INSL6: variants seen among roughly 807,000 people sequenced by gnomAD.
The protein encoded by INSL6 is insulin like 6.
A neutral mutation model predicts 9.4 loss-of-function variants in INSL6; 16 were observed. That is an observed-to-expected ratio of 1.70 (90% CI 1.15 to 2.59). The LOEUF is 2.59. Among genes scored for constraint, INSL6 ranks in the 30% most tolerant of loss-of-function variants. The probability of loss-of-function intolerance (pLI) is 0.00; values close to 1 mark genes in which losing one functional copy is unlikely to be tolerated. For synonymous variants in INSL6, 154 were observed against 96.9 expected, an observed-to-expected ratio of 1.59 and a Z score of -3.46; for missense variants, 391 against 257.3, an observed-to-expected ratio of 1.52 and a Z score of -3.56.
the INSL6 span, among the ~76,000 whole-genome samples, chr9:5,026,438 C>T: frequency 2.0e-5 from 3 of 152,064 alleles, no homozygotes; most frequent in South Asian, 4.1e-4. Context: ...AGTAGACGGT[C>T]GTGTTAATAA....
intron 2 of INSL6, among the ~76,000 whole-genome samples, chr9:5,155,463 C>T (rs1428251772): frequency 6.8e-6 from 1 of 146,094 alleles, no homozygotes; most frequent in Non-Finnish European, 1.5e-5. Context: ...TACCCTAAAA[C>T]TTAAAGTATA....
intron 2 of INSL6, among the ~76,000 whole-genome samples, chr9:5,143,371 T>C (rs1243344536): frequency 6.6e-6 from 1 of 152,108 alleles, no homozygotes; most frequent in Non-Finnish European, 1.5e-5. Flanking sequence ...CAGAGCTTGT[T>C]AGTGGTCTAT....
At chr9:5,099,777 C>G in the INSL6 span, 2 of 152,138 alleles carry the variant, frequency 1.3e-5, no homozygotes, top group Non-Finnish European at 2.9e-5. Flanking sequence ...TAATAATATC[C>G]CTAATTATCT....
At chr9:4,997,273 G>A in the INSL6 span, among the ~76,000 whole-genome samples, 1 of 152,092 alleles carries the variant, frequency 6.6e-6, no homozygotes, top group Admixed American at 6.6e-5. Flanking sequence ...AATACCTGAG[G>A]CTGAGTAATT....
chr9:5,077,399 AT>A, the INSL6 span: 1 of 605,624 alleles, frequency 1.7e-6, no homozygotes, highest in Non-Finnish European at 2.4e-6. Flanking sequence ...AATTACATAT[AT>A]TTAATTATAT....
the INSL6 span, chr9:5,081,711 C>T: frequency 6.4e-7 from 1 of 1,563,766 alleles, no homozygotes; most frequent in Non-Finnish European, 8.8e-7. Flanking sequence ...TGATAATATT[C>T]TTTATTTCTC....
chr9:5,113,734 CT>C, the INSL6 span: 1 of 168,020 alleles, frequency 6.0e-6, no homozygotes, highest in Non-Finnish European at 1.4e-5. Flanking sequence ...CCCTCACGCC[CT>C]CTGGCCATTA....
chr9:5,081,394 A>C, the INSL6 span, among the ~76,000 whole-genome samples: 2 of 152,132 alleles, frequency 1.3e-5, no homozygotes, highest in Non-Finnish European at 2.9e-5. Context: ...TACTGAGCTG[A>C]AATGCATGTG....
chr9:5,184,696 T>A (rs930377390), intron 1 of INSL6, among the ~76,000 whole-genome samples: 1 of 152,212 alleles, frequency 6.6e-6, no homozygotes, highest in African/African-American at 2.4e-5. Context: ...TTTGAAACTT[T>A]AAGTGAATGA....
downstream of INSL6, among the ~76,000 whole-genome samples, chr9:5,120,702 T>C: frequency 6.6e-6 from 1 of 152,186 alleles, no homozygotes; most frequent in East Asian, 1.9e-4. Flanking sequence ...GAGATAAGGA[T>C]GTGATGTAAA....
the INSL6 span, among the ~76,000 whole-genome samples, chr9:4,997,936 T>C: frequency 6.6e-6 from 1 of 152,216 alleles, no homozygotes; most frequent in African/African-American, 2.4e-5. Flanking sequence ...TTAATCTGAA[T>C]GCATTATGAT....
chr9:5,137,062 G>C (rs965409552), intron 2 of INSL6, among the ~76,000 whole-genome samples: 3 of 151,286 alleles, frequency 2.0e-5, no homozygotes, highest in African/African-American at 7.3e-5. Context: ...ACTTACAAGG[G>C]ATGTGAAGGA....
the INSL6 span, among the ~76,000 whole-genome samples, chr9:5,028,850 G>T: frequency 6.6e-6 from 1 of 152,134 alleles, no homozygotes; most frequent in Admixed American, 6.5e-5. Flanking sequence ...TCTGGTTTAG[G>T]GTTTGGCTTG....
At chr9:5,168,714 T>G (rs1218817279) in intron 1 of INSL6, among the ~76,000 whole-genome samples, 3 of 152,064 alleles carry the variant, frequency 2.0e-5, no homozygotes, top group Non-Finnish European at 1.5e-5. Context: ...AAAATTCAAA[T>G]TCAGGAAATC....
the INSL6 span, among the ~76,000 whole-genome samples, chr9:5,117,302 T>G: frequency 6.6e-6 from 1 of 152,210 alleles, no homozygotes; most frequent in African/African-American, 2.4e-5. Flanking sequence ...TCAGACCTTC[T>G]TTAGTAGACA....
At chr9:5,105,384 A>G in the INSL6 span, among the ~76,000 whole-genome samples, 3 of 152,336 alleles carry the variant, frequency 2.0e-5, no homozygotes, top group Admixed American at 6.5e-5. Context: ...TTCAAGGAAA[A>G]CTACAAACCA....
chr9:5,036,067 A>C, the INSL6 span, among the ~76,000 whole-genome samples: 13 of 152,362 alleles, frequency 8.5e-5, no homozygotes, highest in African/African-American at 3.1e-4. Context: ...AAAAATCACA[A>C]GCGTTCTTAC....
At chr9:5,005,897 C>A in the INSL6 span, among the ~76,000 whole-genome samples, 1 of 152,128 alleles carries the variant, frequency 6.6e-6, no homozygotes, top group African/African-American at 2.4e-5. Flanking sequence ...GTTACTGTAG[C>A]CTTGTAGTAT....
chr9:5,012,250 A>G, the INSL6 span, among the ~76,000 whole-genome samples: 1 of 152,164 alleles, frequency 6.6e-6, no homozygotes, highest in Non-Finnish European at 1.5e-5. Context: ...TTGTCTCAGG[A>G]TGGAAGAAGA....
Sources: gnomAD v4.1 joint callset for allele counts (sites outside exome capture counted in the v4.1 genomes callset) on GRCh38, gnomAD v4.1.1 for gene constraint, MANE v1.5 for transcripts, NCBI Gene and HGNC (gene_info 2026-07-23, HGNC 2026-07-21) for gene names.